The following SRPK1 variants were observed in gnomAD, a reference collection of about 807,000 sequenced individuals.
SRPK1 encodes SRSF protein kinase 1.
In SRPK1, 52 loss-of-function variants were observed where a neutral mutation model predicts 89.5. That is an observed-to-expected ratio of 0.58 (90% CI 0.46 to 0.73). The LOEUF (loss-of-function observed/expected upper bound fraction) is 0.73, where lower values mean the gene tolerates loss of function less well. Ranked by LOEUF, SRPK1 falls within the 30% of genes least tolerant of loss-of-function variation. SRPK1 has a pLI of 0.00. For missense variants in SRPK1, 603 were observed against 780.6 expected, an observed-to-expected ratio of 0.77 and a Z score of 2.71; for synonymous variants, 255 against 270.2, an observed-to-expected ratio of 0.94 and a Z score of 0.55.
At position 35,869,467 on chromosome 6, in the gene SRPK1, T is replaced by C. The variant is rs764256849; in HGVS notation, c.1411+15A>G. 5.0e-6 allele frequency: 8 copies of C among 1,608,228 alleles called. No individual in the cohort carries two copies. The African/African-American group carries it at 5.3e-5, about 11-fold the overall frequency. On this transcript the variant is annotated intron_variant, in intron 11 of 15. Transcript: ENST00000373825. ...GCAGGGAAGGAGTGTTGAGGAAGTA[T>C]AGCTGCATAGGTACCTTTGTTGTCC... is the stretch of plus-strand genomic sequence containing the variant.
chr6:35,908,331 G>T (rs555330443), intron 2 of SRPK1, among the ~76,000 whole-genome samples: 29 of 152,314 alleles, frequency 1.9e-4, no homozygotes, highest in South Asian at 6.2e-4. Flanking sequence ...CCAAAATGCT[G>T]ATAGTGAGGT....
chr6:35,869,228 A>G (rs1220955854), intron 11 of SRPK1, 118 bp from the exon 12 acceptor site: 4 of 957,364 alleles, frequency 4.2e-6, no homozygotes, highest in South Asian at 1.7e-5. Flanking sequence ...GACAACTTAC[A>G]TTTTCTGAGA....
intron 2 of SRPK1, among the ~76,000 whole-genome samples, chr6:35,912,757 G>A (rs1371353370): frequency 6.6e-6 from 1 of 152,178 alleles, no homozygotes; most frequent in Non-Finnish European, 1.5e-5. Context: ...TATTCCACAA[G>A]GTCTAAATTG....
At chr6:35,842,207 C>T (rs1769325264) in intron 14 of SRPK1, among the ~76,000 whole-genome samples, 1 of 152,014 alleles carries the variant, frequency 6.6e-6, no homozygotes, top group Non-Finnish European at 1.5e-5. Flanking sequence ...AATTGAGCAA[C>T]AGGTTGATGA....
intron 4 of SRPK1, among the ~76,000 whole-genome samples, chr6:35,888,526 C>T (rs1272137180): frequency 1.3e-5 from 2 of 152,118 alleles, no homozygotes; most frequent in African/African-American, 2.4e-5. Context: ...AGAAGAAATA[C>T]TTCGGTGAAA....
At chr6:35,914,603 A>G (rs902131778) in intron 2 of SRPK1, among the ~76,000 whole-genome samples, 3 of 151,974 alleles carry the variant, frequency 2.0e-5, no homozygotes, top group Admixed American at 6.6e-5. Flanking sequence ...TTCTCCACCT[A>G]TCACCTAATA....
At position 35,869,103 on chromosome 6, in the gene SRPK1, G is replaced by A. The variant is rs1288549807; in HGVS notation, c.1419C>T (p.Ser473=). ...GATTAACAAGAAAATTTCCAGCCGTGGATTTTCCTACAGACAACAGGCATC... is the reference window on the plus strand; with the variant it reads ...GATTAACAAGAAAATTTCCAGCCGTAGATTTTCCTACAGACAACAGGCATC... The part of the protein sequence containing the change: ...HNGPLDNKGK[S]TAGNFLVNPL... Residue 473 remains serine, a synonymous_variant, in exon 12 of 16, where the codon TCC becomes TCT. Coordinates refer to ENST00000373825, the MANE Select transcript of SRPK1 (RefSeq NM_003137.5). 1.2e-6 allele frequency: 2 copies of A among 1,612,748 alleles called. No individual in the cohort carries two copies. The highest frequency in any genetic ancestry group is 2.7e-5 in the African/African-American group (2 of 74,842).
At chr6:35,896,954 T>C (rs1770637680) in intron 2 of SRPK1, among the ~76,000 whole-genome samples, 1 of 152,228 alleles carries the variant, frequency 6.6e-6, no homozygotes, top group Admixed American at 6.5e-5. Flanking sequence ...AGAAGCCAGT[T>C]ACAAAAGACC....
In SRPK1 at chr6:35,920,534, G is replaced by C. The variant is rs13191361; in HGVS notation, c.14-6C>G. ...TCGGGCCTGGAGCGCAAGCACTGCA[G>C]GAGAGAGGGATGGATGAAGGGCGAA... On this transcript the variant is annotated splice_region_variant and splice_polypyrimidine_tract_variant and intron_variant, in intron 1 of 15. Coordinates refer to ENST00000373825, the MANE Select transcript of SRPK1 (RefSeq NM_003137.5). 10 of 1,612,844 alleles carry C rather than the reference G, an allele frequency of 6.2e-6. No individual in the cohort carries two copies. The highest frequency in any genetic ancestry group is 2.7e-5 in the African/African-American group (2 of 74,896).
intron 12 of SRPK1, among the ~76,000 whole-genome samples, chr6:35,857,747 C>T (rs920311265): frequency 2.6e-5 from 4 of 152,290 alleles, no homozygotes; most frequent in East Asian, 1.9e-4. Flanking sequence ...GGATTACAGG[C>T]GTGAGCTACC....
Position 35,920,546 on chromosome 6 carries a change from G to A in SRPK1, c.14-18C>T, listed in dbSNP as rs1408961482. 1.2e-6 allele frequency: 2 copies of A among 1,612,024 alleles called. No homozygotes were observed. The highest frequency in any genetic ancestry group is 1.7e-6 in the Non-Finnish European group (2 of 1,178,726). ...CGCAAGCACTGCAGGAGAGAGGGAT[G>A]GATGAAGGGCGAATGTGGAGGAAAG... On this transcript the variant is annotated intron_variant, in intron 1 of 15. Coordinates refer to ENST00000373825, the MANE Select transcript of SRPK1 (RefSeq NM_003137.5).
At chr6:35,889,934 T>C (rs61252049) in intron 3 of SRPK1, among the ~76,000 whole-genome samples, 299 of 128,604 alleles carry the variant, frequency 2.3e-3, no homozygotes, top group African/African-American at 8.3e-3. Context: ...CTGTGTCTAC[T>C]AAAAAAAAAA....
chr6:35,894,607 C>T (rs539535862), intron 2 of SRPK1, among the ~76,000 whole-genome samples: 1 of 152,138 alleles, frequency 6.6e-6, no homozygotes, highest in Admixed American at 6.5e-5. Context: ...TTTTAAATCC[C>T]AGTGTTAAGA....
intron 6 of SRPK1, among the ~76,000 whole-genome samples, chr6:35,874,844 A>G (rs1770119964): frequency 6.6e-6 from 1 of 152,210 alleles, no homozygotes; most frequent in Non-Finnish European, 1.5e-5. Flanking sequence ...TTTTTTTTTA[A>G]ATAGGAAACT....
intron 13 of SRPK1, among the ~76,000 whole-genome samples, chr6:35,848,711 G>C (rs1769475608): frequency 6.6e-6 from 1 of 152,202 alleles, no homozygotes; most frequent in Non-Finnish European, 1.5e-5. Flanking sequence ...CGCATGTATG[G>C]TCAAGTGATC....
At chr6:35,910,505 T>A (rs1294752037) in intron 2 of SRPK1, among the ~76,000 whole-genome samples, 2 of 152,174 alleles carry the variant, frequency 1.3e-5, no homozygotes, top group African/African-American at 4.8e-5. Flanking sequence ...AAGTGCAAGG[T>A]AAAGCAGTGA....
At chr6:35,874,423 A>C in intron 6 of SRPK1, 84 bp from the exon 7 acceptor site, 1 of 882,610 alleles carries the variant, frequency 1.1e-6, no homozygotes, top group Non-Finnish European at 1.8e-6. Context: ...ATTAAATGTT[A>C]TGTATTATTT....
intron 13 of SRPK1, among the ~76,000 whole-genome samples, chr6:35,845,182 G>A (rs1008907686): frequency 6.6e-6 from 1 of 152,142 alleles, no homozygotes; most frequent in Non-Finnish European, 1.5e-5. Context: ...GCAGTGAAAC[G>A]ATATTGTATA....
chr6:35,879,243 A>C (rs1484487741), intron 6 of SRPK1, among the ~76,000 whole-genome samples: 1 of 151,818 alleles, frequency 6.6e-6, no homozygotes. Flanking sequence ...ACATAAGAAA[A>C]ACAAATACAA....
Sources: gnomAD v4.1 joint callset for allele counts (sites outside exome capture counted in the v4.1 genomes callset) on GRCh38, gnomAD v4.1.1 for gene constraint, MANE v1.5 for transcripts, NCBI Gene and HGNC (gene_info 2026-07-23, HGNC 2026-07-21) for gene names.